Variants in MAT1A observed in about 807,000 individuals in gnomAD.
The protein encoded by MAT1A is S-adenosylmethionine synthase isoform type-1.
A neutral mutation model predicts 44.0 loss-of-function variants in MAT1A; 19 were observed. That is an observed-to-expected ratio of 0.43 (90% CI 0.30 to 0.63). The LOEUF is 0.63. Among genes scored for constraint, MAT1A ranks in the 30% least tolerant of loss-of-function variants. The pLI is 0.12. For missense variants in MAT1A, 397 were observed against 531.0 expected (o/e 0.75, Z 2.48); for synonymous variants, 205 against 205.6 (o/e 1.00, Z 0.03).
At chr10:80,274,491 C>T (rs1422715814) in intron 8 of MAT1A, 29 bp downstream of exon 8, 1 of 1,613,762 alleles carries the variant, frequency 6.2e-7, no homozygotes, top group South Asian at 1.1e-5. Context: ...GAGCAAGGTC[C>T]TGTGTAATAG....
In MAT1A at chr10:80,279,452, C is replaced by T. The variant is rs142922829; in HGVS notation, c.549+721G>A. Among the ~76,000 whole-genome samples, 65 of 151,994 alleles carry T rather than the reference C, an allele frequency of 4.3e-4. No homozygotes were observed. The East Asian group carries it at 0.011, about 26-fold the overall frequency. ...TATGTGAAGGTGACAATGGGGTCCACGAGCATGGACACAGGGAGAGAAGTT... is the reference window on the plus strand; with the variant it reads ...TATGTGAAGGTGACAATGGGGTCCATGAGCATGGACACAGGGAGAGAAGTT... On this transcript the variant is annotated intron_variant, in intron 5 of 8. Coordinates refer to ENST00000372213, the MANE Select transcript of MAT1A (RefSeq NM_000429.3).
Position 80,276,567 on chromosome 10 carries a change from C to T in MAT1A, c.577G>A (p.Gly193Ser), listed in dbSNP as rs1841488768. The T allele has an allele frequency of 2.5e-6, 4 of 1,612,766 alleles. No homozygotes were observed. The South Asian group carries it at 3.3e-5, about 13-fold the overall frequency. Residue 193 changes from glycine (G) to serine (S), a missense_variant, in exon 6 of 9, where the codon GGC becomes AGC. By Grantham distance (56) the Gly-to-Ser change is moderately conservative (BLOSUM62 0). Transcript: ENST00000372213. ...TGGATGCGCACAGGGATGACTGCGC[C>T]ATTGTCCTGCATGTACTGAACTGTC... The part of the protein sequence containing the change: ...QVTVQYMQDN[G>S]AVIPVRIHTI...
At chr10:80,286,099 G>C (rs974624170) in intron 1 of MAT1A, among the ~76,000 whole-genome samples, 12 of 152,148 alleles carry the variant, frequency 7.9e-5, no homozygotes, top group Non-Finnish European at 1.2e-4. Context: ...AAAGTGCTGG[G>C]ATTACAGGTG....
At chr10:80,274,419 GA>G (rs1841453211) in intron 8 of MAT1A, 100 bp downstream of exon 8, 14 of 1,536,468 alleles carry the variant, frequency 9.1e-6, no homozygotes, top group Non-Finnish European at 1.3e-5. Context: ...CCACTTCTGA[GA>G]GGCAGAAACA....
intron 8 of MAT1A, 125 bp from the exon 9 acceptor site, chr10:80,274,008 C>T: frequency 1.3e-6 from 1 of 758,952 alleles, no homozygotes; most frequent in Non-Finnish European, 2.4e-6. Context: ...CACTACGCCT[C>T]CCCACCGCAG....
At chr10:80,283,795 G>C (rs1841601472) in intron 3 of MAT1A, 121 bp downstream of exon 3, 2 of 1,457,432 alleles carry the variant, frequency 1.4e-6, no homozygotes, top group Non-Finnish European at 1.9e-6. Flanking sequence ...AAGTGTAGGA[G>C]TGTTTTCCTC....
intron 8 of MAT1A, 55 bp from the exon 9 acceptor site, chr10:80,273,938 C>G: frequency 7.9e-7 from 1 of 1,273,866 alleles, no homozygotes; most frequent in Admixed American, 1.7e-5. Context: ...AGCAGGGTTT[C>G]TTTCTCCATT....
Position 80,289,496 on chromosome 10 carries a change from T to C in MAT1A, c.-73A>G, listed in dbSNP as rs369803796. On this transcript the variant is annotated 5_prime_UTR_variant, in exon 1 of 9. Coordinates refer to ENST00000372213, the MANE Select transcript of MAT1A (RefSeq NM_000429.3). ...GCTGTGACTTTGCCTGAGTTTTTTTTTCTTCTTCTTCTTCTTCTTTCAACC... is the reference window on the plus strand; with the variant it reads ...GCTGTGACTTTGCCTGAGTTTTTTTCTCTTCTTCTTCTTCTTCTTTCAACC... 2.1e-3 allele frequency: 1,693 copies of C among 790,738 alleles called. 14 individuals carry two copies. In the African/African-American group the frequency reaches 0.063, roughly 30 times the overall value. The allele number at this position is 790,738 out of a possible 1,614,324, so 49.0% of individuals were successfully genotyped here. A position where few individuals can be genotyped will look rare whatever the true frequency, so the allele number is the denominator to read the frequency against.
rs1313547512 is a variant in MAT1A, at chr10:80,273,861, T to C, written c.1108A>G (p.Ile370Val). 4 of 1,613,076 alleles carry C rather than the reference T, an allele frequency of 2.5e-6. No homozygotes were observed. In the East Asian group the frequency reaches 6.7e-5, roughly 27 times the overall value. Reference protein sequence around the residue: ...IVRDLDLKKPIYQKTACYGHF... With the variant: ...IVRDLDLKKPVYQKTACYGHF... ...CCGTAGCATGCTGTCTTCTGGTAGATGGGCTTCTTCAAGTCCAAATCCCTG... is the reference window on the plus strand; with the variant it reads ...CCGTAGCATGCTGTCTTCTGGTAGACGGGCTTCTTCAAGTCCAAATCCCTG... The change falls in exon 9 of 9, where the codon ATC becomes GTC. Residue 370 changes from isoleucine to valine, a missense_variant. Physicochemically the swap from Ile to Val is conservative, Grantham distance 29 (BLOSUM62 3). Transcript: ENST00000372213.
intron 8 of MAT1A, among the ~76,000 whole-genome samples, chr10:80,274,204 G>A (rs1230081061): frequency 6.6e-6 from 1 of 152,168 alleles, no homozygotes; most frequent in Non-Finnish European, 1.5e-5. Context: ...TTGCTGACTT[G>A]ATTCCCAGCC....
Position 80,272,081 on chromosome 10 carries a change from T to C in MAT1A, c.*1700A>G, listed in dbSNP as rs1351137768. 6.6e-6 allele frequency: 1 copy of C among 152,128 alleles called. No individual in the cohort carries two copies. Among genetic ancestry groups the C allele is most frequent in the Non-Finnish European group, 1.5e-5 (1 of 68,010 alleles). 9.4% of individuals were successfully genotyped at this position (152,128 alleles called of 1,614,324 possible). On this transcript the variant is annotated 3_prime_UTR_variant, in exon 9 of 9. Transcript: ENST00000372213. ...GGCTTCTTTTGTTGCCTTAATTTCC[T>C]TTCACCTGAGAGAAAATGAAAGCCA...
rs747997856 is a variant in MAT1A, at chr10:80,289,412, C to T, written c.12G>A (p.Pro4=). 4.3e-6 allele frequency: 7 copies of T among 1,613,756 alleles called. No individual in the cohort carries two copies. The highest frequency in any genetic ancestry group is 2.2e-5 in the East Asian group (1 of 44,888). Residue 4 remains proline (P), a synonymous_variant, in exon 1 of 9, where the codon CCG becomes CCA. Transcript: ENST00000372213. MNG[P]VDGLCDHSLS... is the part of the protein sequence containing the mutation. ...GAGAGTGGTCACACAAGCCATCCACCGGTCCATTCATCTTCTCACACTTCT... is the reference window on the plus strand; with the variant it reads ...GAGAGTGGTCACACAAGCCATCCACTGGTCCATTCATCTTCTCACACTTCT...
At chr10:80,283,838 GGCACGGGTTTGACTCA>G (rs1380523062) in intron 3 of MAT1A, 62 bp downstream of exon 3, 3 of 1,606,846 alleles carry the variant, frequency 1.9e-6, no homozygotes, top group Non-Finnish European at 2.6e-6. Context: ...CGGGCTGAAA[GGCACGGGTTTGACTCA>G]GCACTGGGGT....
In MAT1A at chr10:80,283,923, T is replaced by C; in HGVS notation, c.285A>G (p.Ser95=). The C allele has an allele frequency of 6.2e-7, 1 of 1,614,136 alleles. No individual in the cohort carries two copies. Among genetic ancestry groups the C allele is most frequent in the African/African-American group, 1.3e-5 (1 of 75,070 alleles). The change falls in exon 3 of 9, where the codon TCA becomes TCG. Residue 95 remains serine, a synonymous_variant. Coordinates refer to ENST00000372213, the MANE Select transcript of MAT1A (RefSeq NM_000429.3). ...DTIKHIGYDD[S]AKGFDFKTCN... ...CCGGAGGCCTGCCCTCACCCTTGGC[T>C]GAGTCATCGTAGCCGATGTGCTTGA...
chr10:80,276,256 G>T, intron 6 of MAT1A, 120 bp downstream of exon 6: 1 of 986,796 alleles, frequency 1.0e-6, no homozygotes, highest in Non-Finnish European at 1.6e-6. Context: ...TTTACATTTA[G>T]TCCATGGCCA....
At chr10:80,282,298 G>A (rs1024461280) in intron 3 of MAT1A, among the ~76,000 whole-genome samples, 3 of 152,178 alleles carry the variant, frequency 2.0e-5, no homozygotes, top group South Asian at 2.1e-4. Flanking sequence ...CAGCAACACC[G>A]CAGCCAGGAG....
Position 80,289,445 on chromosome 10 carries a change from C to T in MAT1A, c.-22G>A, listed in dbSNP as rs531547118. The T allele has an allele frequency of 2.0e-5, 32 of 1,585,814 alleles. No individual in the cohort carries two copies. Among genetic ancestry groups the T allele is most frequent in the Admixed American group, 6.7e-5 (4 of 60,004 alleles). ...TCATCTTCTCACACTTCTCCACTCA[C>T]GCTTCTTTCAGTGAACAATTTTGAG... On this transcript the variant is annotated 5_prime_UTR_variant, in exon 1 of 9. The change creates a new upstream start codon in the 5' untranslated region. Transcript: ENST00000372213.
intron 4 of MAT1A, 132 bp from the exon 5 acceptor site, chr10:80,280,448 T>G (rs1321193746): frequency 3.3e-6 from 4 of 1,204,266 alleles, no homozygotes; most frequent in Non-Finnish European, 4.8e-6. Context: ...CACTGGCATG[T>G]GCAGGGGAAG....
intron 3 of MAT1A, among the ~76,000 whole-genome samples, chr10:80,281,234 C>A (rs1194589130): frequency 6.6e-6 from 1 of 152,176 alleles, no homozygotes; most frequent in African/African-American, 2.4e-5. Context: ...GATACTGTCA[C>A]TCAGAAGCCC....
Sources: gnomAD v4.1 joint callset for allele counts (sites outside exome capture counted in the v4.1 genomes callset) on GRCh38, gnomAD v4.1.1 for gene constraint, MANE v1.5 for transcripts, NCBI Gene and HGNC (gene_info 2026-07-23, HGNC 2026-07-21) for gene names.